The following CEP70 variants were observed in gnomAD, a reference collection of about 807,000 sequenced individuals.
CEP70 encodes the protein centrosomal protein 70.
Under a neutral mutation model 90.9 loss-of-function variants are expected in CEP70, and 70 were observed. That is an observed-to-expected ratio of 0.77 (90% CI 0.64 to 0.94). The LOEUF (loss-of-function observed/expected upper bound fraction) is 0.94. CEP70 is among the 40% of genes least tolerant of loss of function. CEP70 has a pLI of 0.00. For synonymous variants in CEP70, 220 were observed against 228.3 expected, an observed-to-expected ratio of 0.96 and a Z score of 0.33; for missense variants, 648 against 669.0, an observed-to-expected ratio of 0.97 and a Z score of 0.35.
chr3:138,546,302 T>A (rs1436036289), intron 6 of CEP70, among the ~76,000 whole-genome samples: 2 of 152,124 alleles, frequency 1.3e-5, no homozygotes, highest in African/African-American at 4.8e-5. Flanking sequence ...TATGTATCAA[T>A]AAAAAAGAGT....
chr3:138,559,988 C>T (rs1023075848), intron 6 of CEP70, among the ~76,000 whole-genome samples: 1 of 152,260 alleles, frequency 6.6e-6, no homozygotes, highest in African/African-American at 2.4e-5. Context: ...AATTCTCATA[C>T]ATTGGTCAGA....
chr3:138,561,902 T>C (rs957848897), intron 6 of CEP70, among the ~76,000 whole-genome samples: 1 of 151,476 alleles, frequency 6.6e-6, no homozygotes, highest in African/African-American at 2.4e-5. Flanking sequence ...CAGGCACCTG[T>C]AGTCCCAGCT....
At chr3:138,573,398 A>C (rs1446389154) in intron 2 of CEP70, among the ~76,000 whole-genome samples, 1 of 152,070 alleles carries the variant, frequency 6.6e-6, no homozygotes. Context: ...AAAAAGAAAA[A>C]AGAAAAAAAA....
intron 11 of CEP70, among the ~76,000 whole-genome samples, chr3:138,517,869 C>T (rs143887187): frequency 7.0e-4 from 107 of 152,232 alleles, no homozygotes; most frequent in African/African-American, 2.4e-3. Context: ...GAGCGTGAGC[C>T]GAAGCAGGGC....
intron 11 of CEP70, among the ~76,000 whole-genome samples, chr3:138,512,306 A>G (rs1382151079): frequency 6.6e-6 from 1 of 152,218 alleles, no homozygotes. Context: ...TTGTCTATGT[A>G]CTAGCAAAGC....
At chr3:138,498,147 A>C in intron 16 of CEP70, 37 bp from the exon 17 acceptor site, 1 of 1,534,306 alleles carries the variant, frequency 6.5e-7, no homozygotes, top group Non-Finnish European at 9.0e-7. Flanking sequence ...CTGATTTCTA[A>C]CTTTGGGTTC....
At chr3:138,543,793 G>T (rs1159993877) in intron 6 of CEP70, among the ~76,000 whole-genome samples, 1 of 151,998 alleles carries the variant, frequency 6.6e-6, no homozygotes, top group Non-Finnish European at 1.5e-5. Flanking sequence ...GACAGAGTGA[G>T]ACCCTATCTC....
intron 11 of CEP70, among the ~76,000 whole-genome samples, chr3:138,522,602 G>C (rs548271982): frequency 1.3e-5 from 2 of 152,094 alleles, no homozygotes; most frequent in Non-Finnish European, 2.9e-5. Flanking sequence ...ACACCTCTAC[G>C]CAAATAAACT....
Position 138,529,209 on chromosome 3 carries a change from A to C in CEP70, c.859T>G (p.Leu287Val). Reference protein sequence around the residue: ...SSEKLNLQKDLETRPTQHELR... With the variant: ...SSEKLNLQKDVETRPTQHELR... ...TTAAGTTTCTCTCACCTGGTTTCCA[A>C]ATCTTTTTGGAGGTTCAGCTTTTCA... The change falls in exon 10 of 18, where the codon TTG (leucine) becomes GTG (valine). Residue 287 changes from leucine (L) to valine (V), a missense_variant. Leu to Val is a conservative substitution (Grantham distance 32). Transcript: ENST00000264982. The C allele has an allele frequency of 1.3e-6, 2 of 1,593,818 alleles. No homozygotes were observed. The highest frequency in any genetic ancestry group is 4.5e-5 in the East Asian group (2 of 44,748).
At chr3:138,498,845 G>A (rs1394748639) in intron 16 of CEP70, among the ~76,000 whole-genome samples, 3 of 151,628 alleles carry the variant, frequency 2.0e-5, no homozygotes, top group African/African-American at 4.8e-5. Context: ...TCAGGAGTTC[G>A]AGACTAGCCT....
intron 6 of CEP70, among the ~76,000 whole-genome samples, chr3:138,558,086 C>G (rs1231027238): frequency 6.6e-6 from 1 of 152,076 alleles, no homozygotes; most frequent in Non-Finnish European, 1.5e-5. Flanking sequence ...GAAAACTGGC[C>G]AGGCACAGTG....
chr3:138,559,650 A>C (rs2040257126), intron 6 of CEP70, among the ~76,000 whole-genome samples: 1 of 152,172 alleles, frequency 6.6e-6, no homozygotes, highest in Non-Finnish European at 1.5e-5. Context: ...ACTTGATCCC[A>C]GGAGGCGGAG....
intron 6 of CEP70, among the ~76,000 whole-genome samples, chr3:138,549,145 G>T (rs139656715): frequency 1.3e-5 from 2 of 151,962 alleles, no homozygotes; most frequent in African/African-American, 4.8e-5. Flanking sequence ...AGACCATACA[G>T]GAAGGAAACC....
Position 138,529,376 on chromosome 3 carries a change from A to T in CEP70, c.779T>A (p.Met260Lys). The change falls in exon 9 of 18, where the codon ATG (methionine) becomes AAG (lysine). Residue 260 changes from methionine (M) to lysine (K), a missense_variant and splice_region_variant. Physicochemically the swap from Met to Lys is moderately conservative, Grantham distance 95. Coordinates refer to ENST00000264982, the MANE Select transcript of CEP70 (RefSeq NM_024491.4). ...TTATTAGTTATGCAGTCCCCATACC[A>T]TTAAAAGGCCTTTATAAGTTGGTGA... ...DASPTYKGLL[M>K]SLQNQLKESK... is the part of the protein sequence containing the mutation. The T allele has an allele frequency of 1.2e-6, 2 of 1,601,918 alleles. No individual in the cohort carries two copies.
At chr3:138,515,764 T>C (rs2035958462) in intron 11 of CEP70, among the ~76,000 whole-genome samples, 1 of 152,174 alleles carries the variant, frequency 6.6e-6, no homozygotes, top group Non-Finnish European at 1.5e-5. Context: ...CATGTGTACG[T>C]GTGTGTGTGC....
chr3:138,547,493 C>G (rs1484773014), intron 6 of CEP70, among the ~76,000 whole-genome samples: 2 of 152,186 alleles, frequency 1.3e-5, no homozygotes, highest in African/African-American at 4.8e-5. Flanking sequence ...TTTCCTTTGT[C>G]AGGATAACAT....
rs774316764 is a variant in CEP70, at chr3:138,571,072, G to A, written c.246C>T (p.Asn82=). 1 of 1,607,306 alleles carries A rather than the reference G, an allele frequency of 6.2e-7. No individual in the cohort carries two copies. Among genetic ancestry groups the A allele is most frequent in the Non-Finnish European group, 8.5e-7 (1 of 1,176,122 alleles). ...LLVEETSCQQ[N]MIQELIETNQ... ...TAGTTTCTATAAGCTCCTGTATCAT[G>A]TTCTGTTGACATGATGTTTCTTCCA... Residue 82 remains asparagine, a synonymous_variant, in exon 5 of 18, where the codon AAC becomes AAT. Transcript: ENST00000264982.
chr3:138,591,753 A>G (rs945973527), intron 2 of CEP70, 101 bp downstream of exon 2: 4 of 1,000,808 alleles, frequency 4.0e-6, no homozygotes, highest in Middle Eastern at 2.1e-4. Context: ...CAGGAAGTCA[A>G]AAGGAAATAT....
intron 13 of CEP70, among the ~76,000 whole-genome samples, chr3:138,503,718 C>T (rs1054756048): frequency 6.6e-6 from 1 of 152,138 alleles, no homozygotes; most frequent in African/African-American, 2.4e-5. Flanking sequence ...TCCTCCTCCT[C>T]AGAAAACCAT....
Sources: gnomAD v4.1 joint callset for allele counts (sites outside exome capture counted in the v4.1 genomes callset) on GRCh38, gnomAD v4.1.1 for gene constraint, MANE v1.5 for transcripts, NCBI Gene and HGNC (gene_info 2026-07-23, HGNC 2026-07-21) for gene names.